Variants in ACAD11 observed in about 807,000 individuals in gnomAD.
ACAD11 encodes the protein acyl-Coenzyme A dehydrogenase family, member 11.
ACAD11 carries 83 observed loss-of-function variants against 102.2 expected under a neutral mutation model. The observed-to-expected ratio is 0.81, with a 90% CI of 0.68 to 0.97. The LOEUF (loss-of-function observed/expected upper bound fraction) is 0.97. ACAD11 is among the 50% of genes least tolerant of loss of function. The pLI, the probability that ACAD11 is intolerant of heterozygous loss-of-function variation, is 0.00. For synonymous variants in ACAD11, 324 were observed against 319.8 expected, an observed-to-expected ratio of 1.01 and a Z score of -0.14; for missense variants, 901 against 951.7, an observed-to-expected ratio of 0.95 and a Z score of 0.70.
chr3:132,578,371 C>G (rs1456580479), intron 15 of ACAD11, among the ~76,000 whole-genome samples: 1 of 152,108 alleles, frequency 6.6e-6, no homozygotes, highest in Non-Finnish European at 1.5e-5. Flanking sequence ...ATTTTGCACT[C>G]AAATAAGTCA....
intron 4 of ACAD11, among the ~76,000 whole-genome samples, chr3:132,640,278 C>T (rs62291559): frequency 0.038 from 5,824 of 152,140 alleles, 169 homozygotes; most frequent in Non-Finnish European, 0.061. Flanking sequence ...TTAGTAGAGA[C>T]GGAGTTTCAC....
intron 9 of ACAD11, 114 bp downstream of exon 9, chr3:132,626,577 T>C: frequency 8.3e-7 from 1 of 1,199,944 alleles, no homozygotes; most frequent in Non-Finnish European, 1.2e-6. Context: ...AAGAAGAATC[T>C]AGGTAAGGAT....
chr3:132,642,685 G>A lies in ACAD11; in HGVS notation c.367C>T (p.His123Tyr). The part of the protein sequence containing the change: ...VIGTEFYVME[H>Y]VQGRIFRDLT... The stretch of plus-strand genomic sequence containing the variant: ...ATTAAGTGTTAATTTACCTGCACAT[G>A]TTCCATTACGTAAAATTCTGTTCCA... The change falls in exon 3 of 20, where the codon CAT becomes TAT. Residue 123 changes from histidine (H) to tyrosine (Y), a missense_variant. Transcript: ENST00000264990. 6.2e-7 allele frequency: 1 copy of A among 1,606,550 alleles called. No individual in the cohort carries two copies. Among genetic ancestry groups the A allele is most frequent in the Non-Finnish European group, 8.5e-7 (1 of 1,177,880 alleles).
intron 16 of ACAD11, 124 bp from the exon 17 acceptor site, chr3:132,576,050 A>C: frequency 9.2e-7 from 1 of 1,083,018 alleles, no homozygotes; most frequent in Non-Finnish European, 1.3e-6. Context: ...TAGTGAAAAA[A>C]AGTCAGTTCT....
chr3:132,643,817 T>C (rs1940616704), intron 2 of ACAD11, among the ~76,000 whole-genome samples: 1 of 151,710 alleles, frequency 6.6e-6, no homozygotes, highest in African/African-American at 2.4e-5. Flanking sequence ...CAATGCAGAG[T>C]TGAGAAAACA....
chr3:132,562,132 A>G (rs182773775), intron 17 of ACAD11, among the ~76,000 whole-genome samples: 5 of 152,176 alleles, frequency 3.3e-5, no homozygotes, highest in Admixed American at 3.3e-4. Flanking sequence ...TTTGAGACAG[A>G]CTGGCTCTGT....
chr3:132,612,672 T>C (rs1226919938), intron 11 of ACAD11, among the ~76,000 whole-genome samples: 1 of 151,928 alleles, frequency 6.6e-6, no homozygotes, highest in Admixed American at 6.6e-5. Context: ...AAAACCACAA[T>C]GAGATACCAT....
intron 9 of ACAD11, among the ~76,000 whole-genome samples, chr3:132,625,065 C>T (rs897047201): frequency 6.6e-6 from 1 of 152,130 alleles, no homozygotes; most frequent in South Asian, 2.1e-4. Flanking sequence ...AGAGACCAAC[C>T]GAAGCAGTCG....
At chr3:132,630,415 CA>C (rs762781949) in intron 7 of ACAD11, 21 bp downstream of exon 7, 13 of 1,601,876 alleles carry the variant, frequency 8.1e-6, no homozygotes, top group Non-Finnish European at 1.1e-5. Context: ...TGGCGAAACA[CA>C]CGTTTAAAAC....
chr3:132,652,198 T>C (rs1218032016), intron 1 of ACAD11, among the ~76,000 whole-genome samples: 1 of 152,150 alleles, frequency 6.6e-6, no homozygotes, highest in Non-Finnish European at 1.5e-5. Flanking sequence ...GTTCTCATGA[T>C]GGTGAATAAG....
rs1491019707 is a variant in ACAD11 at position 132,575,936 on chromosome 3, AAG to A, written c.1847-12_1847-11del. On this transcript the variant is annotated splice_polypyrimidine_tract_variant and intron_variant, in intron 16 of 19. Coordinates refer to ENST00000264990, the MANE Select transcript of ACAD11 (RefSeq NM_032169.5). The stretch of plus-strand genomic sequence containing the variant: ...AATCCCCTACCTTCACCTGGGAAGA[AAG>A]GGGAAAAAAAGGGGGAATGTGAAAA... The A allele has an allele frequency of 1.2e-6, 2 of 1,613,196 alleles. No homozygotes were observed. The highest frequency in any genetic ancestry group is 1.7e-6 in the Non-Finnish European group (2 of 1,179,286).
intron 1 of ACAD11, among the ~76,000 whole-genome samples, chr3:132,657,379 C>T (rs1226587996): frequency 1.3e-5 from 2 of 152,170 alleles, no homozygotes; most frequent in South Asian, 2.1e-4. Context: ...TCAAATTTCC[C>T]ACCTTGTGGT....
chr3:132,637,817 C>T (rs1940330072), intron 5 of ACAD11, among the ~76,000 whole-genome samples: 1 of 152,178 alleles, frequency 6.6e-6, no homozygotes, highest in Admixed American at 6.5e-5. Flanking sequence ...GCTTACTCCA[C>T]ACATTCCTGG....
intron 1 of ACAD11, among the ~76,000 whole-genome samples, chr3:132,656,750 C>T (rs551817635): frequency 2.6e-4 from 40 of 152,118 alleles, no homozygotes; most frequent in Non-Finnish European, 4.3e-4. Flanking sequence ...CTTCAGCCTC[C>T]CAAAGTGCTG....
chr3:132,640,640 G>C (rs533305056), intron 4 of ACAD11, among the ~76,000 whole-genome samples: 28 of 152,092 alleles, frequency 1.8e-4, no homozygotes, highest in African/African-American at 6.3e-4. Context: ...TATCAACCTG[G>C]GTTTAAATTA....
Position 132,561,104 on chromosome 3 carries a change from T to A in ACAD11, c.2115A>T (p.Lys705Asn). 1 of 1,612,208 alleles carries A rather than the reference T, an allele frequency of 6.2e-7. No individual in the cohort carries two copies. Among genetic ancestry groups the A allele is most frequent in the Non-Finnish European group, 8.5e-7 (1 of 1,178,700 alleles). Residue 705 changes from lysine to asparagine, a missense_variant, in exon 18 of 20, where the codon AAA becomes AAT. By Grantham distance (94) the Lys-to-Asn change is moderately conservative. Transcript: ENST00000264990. Reference sequence around the variant, plus strand: ...TGAGGGGAGAAGGTAGCCTCACCTCTTTCTTAGCGCCAGCACTGCCCAGAG... The same window carrying A: ...TGAGGGGAGAAGGTAGCCTCACCTCATTCTTAGCGCCAGCACTGCCCAGAG... Reference protein sequence around the residue: ...MDTLGSAGAKKEIAMIKVAAP... With the variant: ...MDTLGSAGAKNEIAMIKVAAP...
At chr3:132,640,435 A>G (rs1399728339) in intron 4 of ACAD11, among the ~76,000 whole-genome samples, 2 of 152,182 alleles carry the variant, frequency 1.3e-5, no homozygotes, top group African/African-American at 4.8e-5. Context: ...AATTTTCTAA[A>G]TATTTTACAG....
At chr3:132,646,573 G>A (rs1576620809) in intron 1 of ACAD11, 1 of 152,158 alleles carries the variant, frequency 6.6e-6, no homozygotes, top group South Asian at 2.1e-4. Context: ...GAGTGACCCA[G>A]CAAGTCTGCT....
At chr3:132,632,558 C>T (rs529565805) in intron 5 of ACAD11, among the ~76,000 whole-genome samples, 7 of 152,250 alleles carry the variant, frequency 4.6e-5, no homozygotes, top group Non-Finnish European at 7.4e-5. Context: ...CTTGGCAATG[C>T]GGGCTCTTTC....
Sources: gnomAD v4.1 joint callset for allele counts (sites outside exome capture counted in the v4.1 genomes callset) on GRCh38, gnomAD v4.1.1 for gene constraint, MANE v1.5 for transcripts, NCBI Gene and HGNC (gene_info 2026-07-23, HGNC 2026-07-21) for gene names.